GREB1: variants seen among roughly 807,000 people sequenced by gnomAD.
The protein encoded by GREB1 is growth regulating estrogen receptor binding 1.
In GREB1, 106 loss-of-function variants were observed where a neutral mutation model predicts 200.7. The observed-to-expected ratio is 0.53, with a 90% CI of 0.45 to 0.62. The LOEUF (loss-of-function observed/expected upper bound fraction) is 0.62, where lower values mean the gene tolerates loss of function less well. GREB1 is among the 20% of genes least tolerant of loss of function. GREB1 has a pLI of 0.00. For synonymous variants in GREB1, 1,132 were observed against 1,092.4 expected (o/e 1.04, Z -0.72); for missense variants, 2,243 against 2,556.8 (o/e 0.88, Z 2.65).
chr2:11,548,811 G>A lies in GREB1; in HGVS notation c.-161-7643G>A, dbSNP rs931926062. Among the ~76,000 whole-genome samples the A allele has an allele frequency of 1.3e-5, 2 of 151,926 alleles. No individual in the cohort carries two copies. Among genetic ancestry groups the A allele is most frequent in the East Asian group, 1.9e-4 (1 of 5,184 alleles). On this transcript the variant is annotated intron_variant, in intron 1 of 32. Coordinates refer to ENST00000381486, the MANE Select transcript of GREB1 (RefSeq NM_014668.4). This position sits in a 1 kb window ranked among gnomAD's most constrained non-coding sequence, Gnocchi z 5.1. Reference sequence around the variant, plus strand: ...GTAGTTTCTTGAGAAAGTGAACTTGGGAGATAAATTGCTTTGAGATTTTGC... The same window carrying A: ...GTAGTTTCTTGAGAAAGTGAACTTGAGAGATAAATTGCTTTGAGATTTTGC...
intron 9 of GREB1, chr2:11,587,888 A>T (rs1680324221): frequency 5.0e-6 from 5 of 998,332 alleles, no homozygotes; most frequent in East Asian, 2.1e-4. Flanking sequence ...AGATATTTGA[A>T]CCCGACCTGG....
intron 6 of GREB1, 108 bp downstream of exon 6, chr2:11,578,539 G>A (rs914265665): frequency 1.2e-5 from 14 of 1,171,794 alleles, no homozygotes; most frequent in South Asian, 1.1e-4. Flanking sequence ...AAATCAGGGG[G>A]CTGTTATCTT....
rs769075528 is a variant in GREB1, at chr2:11,635,282, C to T, written c.5223C>T (p.Asp1741=). 2.0e-5 allele frequency: 32 copies of T among 1,614,030 alleles called. No individual in the cohort carries two copies. The highest frequency in any genetic ancestry group is 9.3e-5 in the African/African-American group (7 of 74,934). ...TGGCCCTGAGTAGGTTCCTGTGTGA[C>T]GATGTAGACTTCAACCTGCGGGTGC... ...VQYNQNRFLC[D]DVDFNLRVHS... is the part of the protein sequence containing the mutation. The change falls in exon 30 of 33, where the codon GAC becomes GAT. Residue 1741 remains aspartate, a synonymous_variant. Transcript: ENST00000381486.
At chr2:11,581,100 G>T in intron 7 of GREB1, 1 of 618,086 alleles carries the variant, frequency 1.6e-6, no homozygotes, top group African/African-American at 1.8e-5. Flanking sequence ...TGTCCTATGG[G>T]CTGCACAGCT....
At chr2:11,499,340 A>G (rs1347950066) in intron 1 of GREB1, among the ~76,000 whole-genome samples, 1 of 152,188 alleles carries the variant, frequency 6.6e-6, no homozygotes, top group Non-Finnish European at 1.5e-5. Flanking sequence ...GGCTGCAGCC[A>G]GTGCTACGAG....
chr2:11,600,788 C>T lies in GREB1; in HGVS notation c.2334-12C>T, dbSNP rs1572879109. On this transcript the variant is annotated splice_polypyrimidine_tract_variant and intron_variant, in intron 15 of 32. Coordinates refer to ENST00000381486, the MANE Select transcript of GREB1 (RefSeq NM_014668.4). ...ATAGTAATTCCACTGATTGTGTCTT[C>T]TCCTCCCTCAGTAGCACTGTTCATA... 6.2e-7 allele frequency: 1 copy of T among 1,604,528 alleles called. No individual in the cohort carries two copies. The highest frequency in any genetic ancestry group is 8.5e-7 in the Non-Finnish European group (1 of 1,171,692).
intron 17 of GREB1, among the ~76,000 whole-genome samples, chr2:11,604,326 G>A (rs1270313889): frequency 2.0e-5 from 3 of 152,124 alleles, no homozygotes; most frequent in African/African-American, 7.2e-5. Flanking sequence ...AAAGTTTCTC[G>A]ATTTTCTTTG....
At chr2:11,516,876 C>G (rs1371536590) in intron 1 of GREB1, among the ~76,000 whole-genome samples, 1 of 152,232 alleles carries the variant, frequency 6.6e-6, no homozygotes, top group Non-Finnish European at 1.5e-5. Context: ...CTTCTGTCTC[C>G]TACTGAGACA....
At chr2:11,588,166 T>G (rs568735892) in intron 9 of GREB1, 3 of 499,534 alleles carry the variant, frequency 6.0e-6, no homozygotes, top group South Asian at 1.6e-4. Context: ...GAGGCAGAGG[T>G]TGTGGTGAGC....
chr2:11,495,844 T>C (rs1225897929), intron 1 of GREB1, among the ~76,000 whole-genome samples: 3 of 145,312 alleles, frequency 2.1e-5, no homozygotes, highest in African/African-American at 7.6e-5. Context: ...GTTGCAGAAC[T>C]CGATGAGTGG....
intron 9 of GREB1, among the ~76,000 whole-genome samples, chr2:11,587,036 G>A (rs1349677706): frequency 1.3e-5 from 2 of 152,192 alleles, no homozygotes; most frequent in Non-Finnish European, 2.9e-5. Flanking sequence ...TCTGCTTTGA[G>A]CCAGGAACCT....
intron 1 of GREB1, among the ~76,000 whole-genome samples, chr2:11,551,024 A>C (rs746844004): frequency 2.6e-5 from 4 of 152,134 alleles, no homozygotes; most frequent in Non-Finnish European, 5.9e-5. Context: ...AAGGACACAG[A>C]TTTACTGGTA....
At chr2:11,528,747 T>C (rs1035678646) in intron 1 of GREB1, among the ~76,000 whole-genome samples, 4 of 152,356 alleles carry the variant, frequency 2.6e-5, no homozygotes, top group South Asian at 2.1e-4. Flanking sequence ...AAATAATGTA[T>C]GTTTGTGAAA....
rs974384621 is a variant in GREB1, at chr2:11,623,821, G to A, written c.4148-1333G>A. ...GGAGAGTCGCTTGAACCCGGGAGGC[G>A]GAGATTGCAGTGAGCTGAGATGGTG... On this transcript the variant is annotated intron_variant, in intron 23 of 32. Coordinates refer to ENST00000381486, the MANE Select transcript of GREB1 (RefSeq NM_014668.4). Among the ~76,000 whole-genome samples the A allele has an allele frequency of 1.2e-4, 18 of 152,216 alleles. No homozygotes were observed. In the East Asian group the frequency reaches 2.5e-3, roughly 21 times the overall value.
In GREB1 at chr2:11,641,404, G is replaced by A. The variant is rs574398601; in HGVS notation, c.*950G>A. ...CTTGACTAGAGAGGAGGTGGGAACA[G>A]AAGAGAGAAGGAGGCAGGGAGATGT... On this transcript the variant is annotated 3_prime_UTR_variant, in exon 33 of 33. Transcript: ENST00000381486. The A allele has an allele frequency of 1.3e-5, 2 of 152,412 alleles. No homozygotes were observed. The highest frequency in any genetic ancestry group is 6.5e-5 in the Admixed American group (1 of 15,308). The allele number at this position is 152,412 out of a possible 1,614,324, so 9.4% of individuals were successfully genotyped here.
chr2:11,618,121 GC>G (rs1558643298), intron 21 of GREB1, among the ~76,000 whole-genome samples, 166 bp from the exon 22 acceptor site: 1 of 63,892 alleles, frequency 1.6e-5, no homozygotes, highest in African/African-American at 6.3e-5. Flanking sequence ...GGGACGAGTC[GC>G]CCCTGAGATG....
chr2:11,578,425 C>G lies in GREB1; in HGVS notation c.766C>G (p.Gln256Glu), dbSNP rs767705609. 1 of 1,613,798 alleles carries G rather than the reference C, an allele frequency of 6.2e-7. No homozygotes were observed. The highest frequency in any genetic ancestry group is 8.5e-7 in the Non-Finnish European group (1 of 1,180,010). ...CCCCAGCATCCTGATGGGAGCTCAG[C>G]AGGCAGGTGAGGTGGTGGAGACACA... Reference protein sequence around the residue: ...TNPSILMGAQQAGPASDHPSL... With the variant: ...TNPSILMGAQEAGPASDHPSL... The change falls in exon 6 of 33, where the codon CAG (glutamine) becomes GAG (glutamate). Residue 256 changes from glutamine to glutamate, a missense_variant. Transcript: ENST00000381486.
intron 17 of GREB1, among the ~76,000 whole-genome samples, chr2:11,609,194 G>C (rs928284350): frequency 4.6e-5 from 7 of 151,974 alleles, no homozygotes; most frequent in Non-Finnish European, 8.8e-5. Context: ...TTTGAGCAGA[G>C]CCCATTTTCC....
At chr2:11,526,184 C>T (rs1041429626) in intron 1 of GREB1, among the ~76,000 whole-genome samples, 2 of 152,224 alleles carry the variant, frequency 1.3e-5, no homozygotes, top group African/African-American at 4.8e-5. Context: ...CTTCGTTCTT[C>T]TGCACTCATC....
Sources: allele counts gnomAD v4.1 joint callset (sites outside exome capture counted in the v4.1 genomes callset), GRCh38; gene constraint gnomAD v4.1.1; non-coding constraint Gnocchi (gnomAD v3.1); transcripts MANE v1.5; gene names NCBI Gene and HGNC (gene_info 2026-07-23, HGNC 2026-07-21).